CARS2: variants seen among roughly 807,000 people sequenced by gnomAD.
CARS2 encodes probable cysteine--tRNA ligase, mitochondrial.
A neutral mutation model predicts 68.8 loss-of-function variants in CARS2; 52 were observed. The ratio of observed to expected loss-of-function variants is 0.76; its 90% confidence interval spans 0.61 to 0.95. The LOEUF (loss-of-function observed/expected upper bound fraction) is 0.95. CARS2 is among the 40% of genes least tolerant of loss of function. The pLI is 0.00. For missense variants in CARS2, 780 were observed against 754.2 expected (o/e 1.03, Z -0.40); for synonymous variants, 314 against 303.6 (o/e 1.03, Z -0.36).
chr13:110,650,347 C>T (rs1228169136), intron 10 of CARS2: 2 of 152,268 alleles, frequency 1.3e-5, no homozygotes, highest in Non-Finnish European at 2.9e-5. Context: ...ATCCACCTGC[C>T]TCAGCCTCCC....
intron 7 of CARS2, among the ~76,000 whole-genome samples, chr13:110,669,810 C>A (rs2062752497): frequency 6.6e-6 from 1 of 152,118 alleles, no homozygotes; most frequent in African/African-American, 2.4e-5. Flanking sequence ...CCTTTCCTAG[C>A]CAAGGGAAGC....
intron 9 of CARS2, among the ~76,000 whole-genome samples, chr13:110,652,670 G>A (rs1053100229): frequency 4.6e-5 from 7 of 152,234 alleles, no homozygotes; most frequent in African/African-American, 9.6e-5. Flanking sequence ...CTGTCTGCCT[G>A]TGCCTGAGGC....
At chr13:110,688,346 G>A (rs1311982771) in intron 3 of CARS2, among the ~76,000 whole-genome samples, 1 of 152,232 alleles carries the variant, frequency 6.6e-6, no homozygotes, top group Non-Finnish European at 1.5e-5. Flanking sequence ...CACTTTGGGA[G>A]GCCAAGATGA....
At chr13:110,694,751 C>T (rs1250454610) in intron 3 of CARS2, among the ~76,000 whole-genome samples, 1 of 151,884 alleles carries the variant, frequency 6.6e-6, no homozygotes, top group Non-Finnish European at 1.5e-5. Context: ...TAAAATGGTG[C>T]CAAAAATTAA....
chr13:110,700,440 C>T (rs1421599823), intron 3 of CARS2, among the ~76,000 whole-genome samples: 2 of 152,110 alleles, frequency 1.3e-5, no homozygotes, highest in Non-Finnish European at 2.9e-5. Flanking sequence ...GCACGCGTGG[C>T]GTGTGCAGAG....
intron 9 of CARS2, chr13:110,662,941 C>T (rs2062548546): frequency 2.2e-6 from 1 of 454,174 alleles, no homozygotes; most frequent in African/African-American, 2.0e-5. Flanking sequence ...AGCCAGAGCC[C>T]TCCGTGGGTG....
chr13:110,680,154 G>C (rs1347475145), intron 6 of CARS2, among the ~76,000 whole-genome samples: 2 of 186 alleles, frequency 0.011, no homozygotes, highest in East Asian at 0.33. Flanking sequence ...CCGAGGGGGG[G>C]GGGGGGGGGG....
chr13:110,649,634 G>A (rs1335986770), intron 10 of CARS2, among the ~76,000 whole-genome samples: 1 of 152,200 alleles, frequency 6.6e-6, no homozygotes, highest in Non-Finnish European at 1.5e-5. Flanking sequence ...TCATCAATTT[G>A]GAGCAAGAGA....
intron 7 of CARS2, among the ~76,000 whole-genome samples, chr13:110,674,392 G>C (rs1326531915): frequency 6.6e-6 from 1 of 151,258 alleles, no homozygotes; most frequent in Non-Finnish European, 1.5e-5. Flanking sequence ...GAACAGAACA[G>C]AGCCCTCAGA....
chr13:110,658,859 G>A (rs2062434358), intron 9 of CARS2, among the ~76,000 whole-genome samples: 1 of 152,176 alleles, frequency 6.6e-6, no homozygotes. Context: ...AACCTGGGAG[G>A]TGGAGGTTGC....
At chr13:110,712,799 G>A (rs956428168) in intron 1 of CARS2, 3 of 756,948 alleles carry the variant, frequency 4.0e-6, no homozygotes, top group Non-Finnish European at 6.9e-6. Flanking sequence ...GGCGCCCCTC[G>A]GGCCTATCCA....
In CARS2 at chr13:110,641,614, G is replaced by A. The variant is rs1887300604; in HGVS notation, c.1624-6C>T. ...GATGTTGTACTGCTTCTGTCCTGGA[G>A]AAGAAGAGTGAGGTCCAACTCTGAG... On this transcript the variant is annotated splice_region_variant and splice_polypyrimidine_tract_variant and intron_variant, in intron 14 of 14. Coordinates refer to ENST00000257347, the MANE Select transcript of CARS2 (RefSeq NM_024537.4). 6.2e-7 allele frequency: 1 copy of A among 1,611,764 alleles called. No homozygotes were observed. Among genetic ancestry groups the A allele is most frequent in the African/African-American group, 1.3e-5 (1 of 74,900 alleles).
upstream of CARS2, chr13:110,707,475 C>G (rs111807779): frequency 0.053 from 8,094 of 152,054 alleles, 458 homozygotes; most frequent in African/African-American, 0.13. Context: ...GGTGAAACCC[C>G]GTCTCTACTA....
chr13:110,665,049 C>A lies in CARS2; in HGVS notation c.920-1531G>T. ...ACTGGGTACAGGAGAACAGGTGTCA[C>A]TTCTCCTGCGTCAGGAGACACTGAT... On this transcript the variant is annotated intron_variant, in intron 8 of 14. Coordinates refer to ENST00000257347, the MANE Select transcript of CARS2 (RefSeq NM_024537.4). This position sits in a 1 kb window ranked among gnomAD's most constrained non-coding sequence, Gnocchi z 4.3. 3 of 985,444 alleles carry A rather than the reference C, an allele frequency of 3.0e-6. No homozygotes were observed. The highest frequency in any genetic ancestry group is 3.6e-6 in the Non-Finnish European group (3 of 829,924). The allele number at this position is 985,444 out of a possible 1,614,324, so 61.0% of individuals were successfully genotyped here.
At chr13:110,645,378 CACAA>C (rs1887965891) in intron 12 of CARS2, 1 of 152,346 alleles carries the variant, frequency 6.6e-6, no homozygotes, top group Admixed American at 6.5e-5. Flanking sequence ...GTGGGAGAGG[CACAA>C]ACAGCCTCGG....
At chr13:110,645,238 G>A (rs1887943304) in intron 12 of CARS2, 1 of 152,504 alleles carries the variant, frequency 6.6e-6, no homozygotes, top group Admixed American at 6.5e-5. Flanking sequence ...CACCCGGCAA[G>A]GGCACATGGC....
intron 8 of CARS2, chr13:110,664,979 C>A (rs1279865712): frequency 2.3e-5 from 23 of 983,950 alleles, no homozygotes; most frequent in Non-Finnish European, 2.7e-5. Flanking sequence ...GCTATAGCAG[C>A]CCTAACAGGC....
chr13:110,647,220 G>T lies in CARS2; in HGVS notation c.1074C>A (p.Ser358Arg), dbSNP rs143638615. The T allele has an allele frequency of 3.1e-6, 5 of 1,612,988 alleles. No individual in the cohort carries two copies. Among genetic ancestry groups the T allele is most frequent in the Middle Eastern group, 1.7e-4 (1 of 6,044 alleles). The change falls in exon 11 of 15, where the codon AGC (serine) becomes AGA (arginine). Residue 358 changes from serine (S) to arginine (R), a missense_variant. Ser to Arg is a moderately radical substitution (Grantham distance 110, BLOSUM62 -1). Coordinates refer to ENST00000257347, the MANE Select transcript of CARS2 (RefSeq NM_024537.4). Reference protein sequence around the residue: ...SYRSAIDYSDSAMLQAQQLLL... With the variant: ...SYRSAIDYSDRAMLQAQQLLL... Reference sequence around the variant, plus strand: ...GCAGCTGCTGAGCTTGGAGCATGGCGCTGTCACTGTAGTCGATGGCTGAGG... The same window carrying T: ...GCAGCTGCTGAGCTTGGAGCATGGCTCTGTCACTGTAGTCGATGGCTGAGG...
intron 7 of CARS2, among the ~76,000 whole-genome samples, chr13:110,673,014 A>C (rs2062842444): frequency 6.6e-6 from 1 of 152,250 alleles, no homozygotes; most frequent in Non-Finnish European, 1.5e-5. Flanking sequence ...AGACTAAACC[A>C]GGAAGAAGTT....
Sources: allele counts gnomAD v4.1 joint callset (sites outside exome capture counted in the v4.1 genomes callset), GRCh38; gene constraint gnomAD v4.1.1; non-coding constraint Gnocchi (gnomAD v3.1); transcripts MANE v1.5; gene names NCBI Gene and HGNC (gene_info 2026-07-23, HGNC 2026-07-21).